The following XPO6 variants were observed in gnomAD, a reference collection of about 807,000 sequenced individuals.
XPO6 encodes exportin 6.
A neutral mutation model predicts 130.0 loss-of-function variants in XPO6; 3 were observed. The observed-to-expected ratio is 0.02, with a 90% CI of 0.01 to 0.06. The LOEUF (loss-of-function observed/expected upper bound fraction) is 0.06. XPO6 is among the 10% of genes least tolerant of loss of function. The pLI is 1.00. For missense variants in XPO6, 970 were observed against 1,393.0 expected, an observed-to-expected ratio of 0.70 and a Z score of 4.83; for synonymous variants, 524 against 548.9, an observed-to-expected ratio of 0.95 and a Z score of 0.63.
At chr16:28,123,398 G>A (rs751401715) in intron 13 of XPO6, among the ~76,000 whole-genome samples, 1 of 151,036 alleles carries the variant, frequency 6.6e-6, no homozygotes. Context: ...GAGCCACCAC[G>A]CCTGGAGTTG....
intron 4 of XPO6, among the ~76,000 whole-genome samples, chr16:28,171,629 C>G (rs2043451462): frequency 6.6e-6 from 1 of 152,078 alleles, no homozygotes. Flanking sequence ...ACTAGGTAAC[C>G]AGCAGCAATG....
intron 12 of XPO6, among the ~76,000 whole-genome samples, chr16:28,131,632 C>T (rs945085135): frequency 1.3e-4 from 20 of 152,184 alleles, no homozygotes; most frequent in Non-Finnish European, 2.9e-5. Flanking sequence ...AGCCATGGGA[C>T]CCTGGGTAAA....
chr16:28,125,004 C>A (rs2087356788), intron 13 of XPO6, among the ~76,000 whole-genome samples: 1 of 152,176 alleles, frequency 6.6e-6, no homozygotes, highest in African/African-American at 2.4e-5. Flanking sequence ...TCACTTACAT[C>A]TTGGGTTTTT....
In XPO6 at chr16:28,102,946, G is replaced by C. The variant is rs144253760; in HGVS notation, c.2947-1001C>G. Among the ~76,000 whole-genome samples, 314 of 152,254 alleles carry C rather than the reference G, an allele frequency of 2.1e-3. 2 individuals carry two copies. The highest frequency in any genetic ancestry group is 6.8e-3 in the African/African-American group (281 of 41,536). On this transcript the variant is annotated intron_variant, in intron 21 of 23. Coordinates refer to ENST00000304658, the MANE Select transcript of XPO6 (RefSeq NM_015171.4). ...CTGGGCCCCTAAGCTACCAGAGGAG[G>C]ATCTTGTAATCCCTGCAGCAGGGAT...
At chr16:28,130,106 G>A (rs1227625897) in intron 12 of XPO6, among the ~76,000 whole-genome samples, 1 of 152,232 alleles carries the variant, frequency 6.6e-6, no homozygotes, top group Non-Finnish European at 1.5e-5. Flanking sequence ...AGGCTCAGCA[G>A]CAGGAAGGGA....
rs147379355 is a variant in XPO6, at chr16:28,102,033, C to T, written c.2947-88G>A. 5,472 of 1,096,796 alleles carry T rather than the reference C, an allele frequency of 5.0e-3. 29 individuals carry two copies. Among genetic ancestry groups the T allele is most frequent in the Non-Finnish European group, 4.6e-3 (3,452 of 748,662 alleles). 67.9% of individuals were successfully genotyped at this position (1,096,796 alleles called of 1,614,324 possible). A position where few individuals can be genotyped will look rare whatever the true frequency, so the allele number is the denominator to read the frequency against. On this transcript the variant is annotated intron_variant, in intron 21 of 23. Transcript: ENST00000304658. ...ATGTCAGAAGAACAAGTGCCAGGGC[C>T]AGGGTACCCATTGTCTTGATGCTTC...
chr16:28,200,935 C>A (rs536980760), intron 1 of XPO6, among the ~76,000 whole-genome samples: 3 of 152,074 alleles, frequency 2.0e-5, no homozygotes, highest in Admixed American at 6.6e-5. Flanking sequence ...GAAACACAGA[C>A]CTTTTCTCTC....
intron 14 of XPO6, among the ~76,000 whole-genome samples, chr16:28,119,715 A>G (rs768022103): frequency 5.8e-4 from 88 of 152,216 alleles, no homozygotes; most frequent in Non-Finnish European, 9.7e-4. Context: ...AATATGGACT[A>G]TATATGAGAT....
chr16:28,151,002 C>T (rs1456090378), intron 8 of XPO6, among the ~76,000 whole-genome samples: 1 of 151,922 alleles, frequency 6.6e-6, no homozygotes, highest in Non-Finnish European at 1.5e-5. Flanking sequence ...CTTCCCTCCC[C>T]TGCTCCCAGG....
chr16:28,180,827 G>T, intron 2 of XPO6, 114 bp downstream of exon 2: 1 of 763,958 alleles, frequency 1.3e-6, no homozygotes, highest in Non-Finnish European at 2.0e-6. Flanking sequence ...AAAAGAGCAA[G>T]AATTCAAGTG....
intron 1 of XPO6, among the ~76,000 whole-genome samples, chr16:28,190,853 C>T (rs2043775569): frequency 6.6e-6 from 1 of 152,088 alleles, no homozygotes; most frequent in Non-Finnish European, 1.5e-5. Flanking sequence ...AATGTACATG[C>T]ATGTACATGC....
At chr16:28,102,491 A>C (rs1596771824) in intron 21 of XPO6, among the ~76,000 whole-genome samples, 1 of 152,182 alleles carries the variant, frequency 6.6e-6, no homozygotes, top group Non-Finnish European at 1.5e-5. Flanking sequence ...TAATCCCAGC[A>C]CTTTGGGAAG....
intron 6 of XPO6, among the ~76,000 whole-genome samples, chr16:28,160,312 C>T (rs1471064119): frequency 1.3e-5 from 2 of 151,048 alleles, no homozygotes; most frequent in East Asian, 1.9e-4. Context: ...CAGACCAGCC[C>T]GGCCAAAATG....
intron 8 of XPO6, among the ~76,000 whole-genome samples, chr16:28,150,658 CA>C (rs1186370753): frequency 2.0e-5 from 3 of 152,172 alleles, no homozygotes; most frequent in Non-Finnish European, 4.4e-5. Flanking sequence ...CCCCATTTTA[CA>C]TAGAGAGTGA....
chr16:28,170,852 C>T (rs56784228), intron 4 of XPO6, among the ~76,000 whole-genome samples: 2,372 of 152,312 alleles, frequency 0.016, 60 homozygotes, highest in African/African-American at 0.055. Flanking sequence ...ACGCCTTCAA[C>T]AGCAAAGCAC....
chr16:28,146,774 T>C (rs2042990389), intron 8 of XPO6, among the ~76,000 whole-genome samples: 1 of 152,234 alleles, frequency 6.6e-6, no homozygotes, highest in Non-Finnish European at 1.5e-5. Context: ...TTATCCCATT[T>C]GCAAAAGCAA....
rs183706043 is a variant in XPO6 at position 28,174,331 on chromosome 16, G to T, written c.405+1567C>A. On this transcript the variant is annotated intron_variant, in intron 4 of 23. Transcript: ENST00000304658. Reference sequence around the variant, plus strand: ...CTGTCCCCAGAAAAGCCTTCTACGAGCATCCCATCTAAACACAACCCCCGC... The same window carrying T: ...CTGTCCCCAGAAAAGCCTTCTACGATCATCCCATCTAAACACAACCCCCGC... 5.3e-5 allele frequency among the ~76,000 whole-genome samples: 8 copies of T among 152,170 alleles called. No homozygotes were observed. In the East Asian group the frequency reaches 1.5e-3, roughly 29 times the overall value.
chr16:28,182,220 C>T (rs76953277), intron 1 of XPO6, among the ~76,000 whole-genome samples: 322 of 152,306 alleles, frequency 2.1e-3, no homozygotes, highest in African/African-American at 7.4e-3. Flanking sequence ...AACAAGCCCA[C>T]ACTCAAATGT....
At chr16:28,177,456 C>T (rs1030579773) in intron 2 of XPO6, 124 bp from the exon 3 acceptor site, 26 of 549,632 alleles carry the variant, frequency 4.7e-5, no homozygotes, top group South Asian at 6.8e-5. Context: ...TCAAAACCAG[C>T]GGATTCTTTA....
Sources: allele counts gnomAD v4.1 joint callset (sites outside exome capture counted in the v4.1 genomes callset), GRCh38; gene constraint gnomAD v4.1.1; transcripts MANE v1.5; gene names NCBI Gene and HGNC (gene_info 2026-07-23, HGNC 2026-07-21).